The following CARF variants were observed in gnomAD, a reference collection of about 807,000 sequenced individuals.
CARF encodes the protein calcium-responsive transcription factor.
CARF carries 57 observed loss-of-function variants against 82.0 expected under a neutral mutation model. The observed-to-expected ratio is 0.70, with a 90% CI of 0.56 to 0.87. The LOEUF (loss-of-function observed/expected upper bound fraction) is 0.87. Ranked by LOEUF, CARF falls within the 40% of genes least tolerant of loss-of-function variation. The pLI is 0.00. For synonymous variants in CARF, 268 were observed against 290.1 expected (o/e 0.92, Z 0.77); for missense variants, 771 against 855.8 (o/e 0.90, Z 1.24).
intron 3 of CARF, among the ~76,000 whole-genome samples, chr2:202,930,973 T>C (rs907429479): frequency 1.5e-3 from 212 of 144,596 alleles, no homozygotes; most frequent in Non-Finnish European, 2.2e-3. Flanking sequence ...CTTTTCTTTT[T>C]TTTTTTTTTT....
intron 5 of CARF, among the ~76,000 whole-genome samples, chr2:202,949,708 G>A (rs2058672972): frequency 6.6e-6 from 1 of 151,704 alleles, no homozygotes; most frequent in Admixed American, 6.6e-5. Flanking sequence ...CTGCCACCAA[G>A]CCCAGGTAAT....
rs1035466711 is a variant in CARF, at chr2:202,955,817, C to A, written c.642+59C>A. 2.0e-5 allele frequency: 26 copies of A among 1,284,068 alleles called. No homozygotes were observed. The East Asian group carries it at 5.4e-4, about 27-fold the overall frequency. The allele number at this position is 1,284,068 out of a possible 1,614,324, so 79.5% of individuals were successfully genotyped here. ...TAACTGATTATAACCACAGGTCATC[C>A]CCAAATGCCACTTTTGAGTACAACT... On this transcript the variant is annotated intron_variant, in intron 8 of 16. Coordinates refer to ENST00000438828, the MANE Select transcript of CARF (RefSeq NM_024744.17).
At chr2:202,980,349 G>A (rs932377662) in intron 14 of CARF, among the ~76,000 whole-genome samples, 1 of 151,844 alleles carries the variant, frequency 6.6e-6, no homozygotes, top group African/African-American at 2.4e-5. Flanking sequence ...CCTACAATTA[G>A]TTTAAATTTG....
chr2:202,983,978 A>C lies in CARF; in HGVS notation c.*354A>C. The C allele has an allele frequency of 5.7e-6, 1 of 175,986 alleles. No homozygotes were observed. The allele number at this position is 175,986 out of a possible 1,614,324, so 10.9% of individuals were successfully genotyped here. On this transcript the variant is annotated 3_prime_UTR_variant, in exon 17 of 17. Coordinates refer to ENST00000438828, the MANE Select transcript of CARF (RefSeq NM_024744.17). ...TTATTACAAAACAGAAAAGAACAAC[A>C]GCAACAAAAACATTGTGTGAATGTA... is the stretch of plus-strand genomic sequence containing the variant.
chr2:202,956,253 G>T (rs183391858), intron 8 of CARF, among the ~76,000 whole-genome samples: 77 of 151,678 alleles, frequency 5.1e-4, no homozygotes, highest in African/African-American at 9.9e-4. Context: ...ATGTATTTAT[G>T]TATTTATTTA....
Position 202,983,574 on chromosome 2 carries a change from T to C in CARF, c.2128T>C (p.Ser710Pro). ...ACAAGAACCCAAAGAACCAGCATTGTCTATGGAAGCAAAAAAAACTGTGGA... is the reference window on the plus strand; with the variant it reads ...ACAAGAACCCAAAGAACCAGCATTGCCTATGGAAGCAAAAAAAACTGTGGA... ...VKQEPKEPAL[S>P]MEAKKTVDYK... The change falls in exon 17 of 17, where the codon TCT becomes CCT. Residue 710 changes from serine to proline, a missense_variant. Ser to Pro is a moderately conservative substitution (Grantham distance 74). Coordinates refer to ENST00000438828, the MANE Select transcript of CARF (RefSeq NM_024744.17). The C allele has an allele frequency of 6.2e-7, 1 of 1,612,100 alleles. No homozygotes were observed. Among genetic ancestry groups the C allele is most frequent in the Non-Finnish European group, 8.5e-7 (1 of 1,179,286 alleles).
In CARF at chr2:202,985,320, A is replaced by G. The variant is rs1574830181; in HGVS notation, c.*1696A>G. ...TCTTAATTGACTTGGTTTCAGGTAC[A>G]TGACATGTATCTAAATATAAAGTAC... On this transcript the variant is annotated 3_prime_UTR_variant, in exon 17 of 17. Transcript: ENST00000438828. The G allele has an allele frequency of 6.6e-6, 1 of 152,216 alleles. No individual in the cohort carries two copies. Among genetic ancestry groups the G allele is most frequent in the South Asian group, 2.1e-4 (1 of 4,830 alleles). 9.4% of individuals were successfully genotyped at this position (152,216 alleles called of 1,614,324 possible). A position where few individuals can be genotyped will look rare whatever the true frequency, so the allele number is the denominator to read the frequency against.
chr2:202,954,707 A>AT (rs1478414049), intron 7 of CARF, among the ~76,000 whole-genome samples: 1 of 130,894 alleles, frequency 7.6e-6, no homozygotes, highest in Non-Finnish European at 1.6e-5. Flanking sequence ...GCGAGACATC[A>AT]TTTAAAAAAA....
At position 202,988,240 on chromosome 2, in the gene CARF, GT is replaced by G; in HGVS notation, c.*4619del. On this transcript the variant is annotated 3_prime_UTR_variant, in exon 17 of 17. Coordinates refer to ENST00000438828, the MANE Select transcript of CARF (RefSeq NM_024744.17). ...ATAGTTCTAGGCTATTATGAATAAA[GT>G]TTCCATGAACATCTATGTACAAGTC... is the stretch of plus-strand genomic sequence containing the variant. Among the ~76,000 whole-genome samples, 1 of 152,250 alleles carries G rather than the reference GT, an allele frequency of 6.6e-6. No homozygotes were observed. Among genetic ancestry groups the G allele is most frequent in the African/African-American group, 2.4e-5 (1 of 41,550 alleles).
chr2:202,964,859 T>TTATA (rs150289443), intron 9 of CARF, among the ~76,000 whole-genome samples: 135 of 141,568 alleles, frequency 9.5e-4, no homozygotes, highest in Non-Finnish European at 1.2e-3. Context: ...TAAGGACTCC[T>TTATA]TATATATATA....
At chr2:202,958,247 A>G (rs973940875) in intron 8 of CARF, among the ~76,000 whole-genome samples, 4 of 26,476 alleles carry the variant, frequency 1.5e-4, no homozygotes, top group African/African-American at 3.3e-4. Context: ...GTATATACAT[A>G]TATGTGTGTG....
At chr2:202,983,371 G>A (rs2060342505) in intron 16 of CARF, 135 bp from the exon 17 acceptor site, 3 of 612,100 alleles carry the variant, frequency 4.9e-6, no homozygotes, top group Admixed American at 6.2e-5. Flanking sequence ...CACTTTTGTG[G>A]GAAAAGATTT....
At chr2:202,966,629 G>A (rs2351523) in intron 9 of CARF, among the ~76,000 whole-genome samples, 42,169 of 151,818 alleles carry the variant, frequency 0.28, 6,569 homozygotes, top group East Asian at 0.61. Flanking sequence ...AGAACTGCTT[G>A]AACCCAGGAG....
chr2:202,927,886 G>C (rs956473699), intron 3 of CARF, among the ~76,000 whole-genome samples: 1 of 149,994 alleles, frequency 6.7e-6, no homozygotes, highest in African/African-American at 2.5e-5. Context: ...CTGCAGCCTT[G>C]ATCTCCCAGG....
At chr2:202,931,100 A>C (rs1472581517) in intron 3 of CARF, among the ~76,000 whole-genome samples, 1 of 146,612 alleles carries the variant, frequency 6.8e-6, no homozygotes, top group African/African-American at 2.5e-5. Context: ...CAGCTTCCTT[A>C]GTAGCTGGGT....
chr2:202,973,339 A>G (rs1269141155), intron 12 of CARF: 1 of 344,594 alleles, frequency 2.9e-6, no homozygotes, highest in African/African-American at 2.2e-5. Context: ...AGTATAATAC[A>G]GTTCTGCGAT....
In CARF at chr2:202,984,663, A is replaced by G. The variant is rs1242651355; in HGVS notation, c.*1039A>G. On this transcript the variant is annotated 3_prime_UTR_variant, in exon 17 of 17. Transcript: ENST00000438828. ...AATTTAGTTTATATTTAAAACTTTA[A>G]AACATCTGATCTGGGATTTTTTTGT... 1.3e-5 allele frequency: 2 copies of G among 152,204 alleles called. No homozygotes were observed. The highest frequency in any genetic ancestry group is 1.3e-4 in the Admixed American group (2 of 15,270). The allele number at this position is 152,204 out of a possible 1,614,324, so 9.4% of individuals were successfully genotyped here. A position where few individuals can be genotyped will look rare whatever the true frequency, so the allele number is the denominator to read the frequency against.
chr2:202,929,718 G>T (rs1268286297), intron 3 of CARF, among the ~76,000 whole-genome samples: 1 of 152,038 alleles, frequency 6.6e-6, no homozygotes, highest in Non-Finnish European at 1.5e-5. Flanking sequence ...TTCTATTTGT[G>T]TGAAGACTAT....
chr2:202,970,629 C>T (rs904140790), intron 11 of CARF, among the ~76,000 whole-genome samples: 6 of 151,816 alleles, frequency 4.0e-5, no homozygotes, highest in African/African-American at 1.5e-4. Context: ...ATATCGTTTT[C>T]GTGTGATCTT....
Sources: allele counts gnomAD v4.1 joint callset (sites outside exome capture counted in the v4.1 genomes callset), GRCh38; gene constraint gnomAD v4.1.1; transcripts MANE v1.5; gene names NCBI Gene and HGNC (gene_info 2026-07-23, HGNC 2026-07-21).